ANKRD17: variants seen among roughly 807,000 people sequenced by gnomAD.
The protein encoded by ANKRD17 is ankyrin repeat domain-containing protein 17.
ANKRD17 carries 19 observed loss-of-function variants against 229.7 expected under a neutral mutation model. That is an observed-to-expected ratio of 0.08 (90% CI 0.06 to 0.12). The LOEUF is 0.12. Ranked by LOEUF, ANKRD17 falls within the 10% of genes least tolerant of loss-of-function variation. ANKRD17 has a pLI of 1.00. For missense variants in ANKRD17, 2,176 were observed against 3,176.8 expected, an observed-to-expected ratio of 0.68 and a Z score of 7.57; for synonymous variants, 1,112 against 1,146.1, an observed-to-expected ratio of 0.97 and a Z score of 0.60.
intron 1 of ANKRD17, among the ~76,000 whole-genome samples, chr4:73,190,738 C>T (rs1344547163): frequency 2.0e-5 from 3 of 151,726 alleles, no homozygotes; most frequent in African/African-American, 7.3e-5. Context: ...AGCCTTCCTA[C>T]ATACCAGCAA....
At chr4:73,228,363 T>C (rs1423433474) in intron 1 of ANKRD17, among the ~76,000 whole-genome samples, 2 of 152,192 alleles carry the variant, frequency 1.3e-5, no homozygotes, top group Non-Finnish European at 1.5e-5. Flanking sequence ...ATATGTCTAA[T>C]GTAGCACAAA....
At chr4:73,118,177 C>T (rs908115323) in intron 22 of ANKRD17, among the ~76,000 whole-genome samples, 5 of 151,978 alleles carry the variant, frequency 3.3e-5, no homozygotes, top group Admixed American at 2.0e-4. Flanking sequence ...TCACCACGCT[C>T]GGCTAATTTT....
At chr4:73,230,466 C>A (rs1742936451) in intron 1 of ANKRD17, among the ~76,000 whole-genome samples, 1 of 152,108 alleles carries the variant, frequency 6.6e-6, no homozygotes, top group Non-Finnish European at 1.5e-5. Flanking sequence ...AGGGTTTATA[C>A]TATATACACT....
At chr4:73,161,087 G>T in intron 3 of ANKRD17, 105 bp downstream of exon 3, 1 of 1,379,906 alleles carries the variant, frequency 7.2e-7, no homozygotes. Context: ...TAAGTGGTTA[G>T]CACAGTGCCA....
intron 1 of ANKRD17, 53 bp downstream of exon 1, chr4:73,258,223 C>T: frequency 6.2e-7 from 1 of 1,611,438 alleles, no homozygotes; most frequent in Non-Finnish European, 8.5e-7. Context: ...CACCTTCGGC[C>T]CCTATCCCTT....
chr4:73,085,218 T>C (rs1721995313), intron 30 of ANKRD17, 31 bp downstream of exon 30: 1 of 1,600,346 alleles, frequency 6.2e-7, no homozygotes, highest in East Asian at 2.2e-5. Flanking sequence ...CATATGCAGA[T>C]TCTTATGGAA....
intron 2 of ANKRD17, among the ~76,000 whole-genome samples, chr4:73,173,535 G>A (rs1354474154): frequency 7.2e-5 from 11 of 152,182 alleles, no homozygotes. Context: ...AAGAACCACT[G>A]CAGGAACATT....
intron 23 of ANKRD17, among the ~76,000 whole-genome samples, chr4:73,114,918 A>G (rs1038684773): frequency 6.6e-6 from 1 of 152,188 alleles, no homozygotes; most frequent in Non-Finnish European, 1.5e-5. Context: ...GTAAACTCCA[A>G]ATCAAAATGT....
chr4:73,154,848 C>T (rs1241345828), intron 5 of ANKRD17, among the ~76,000 whole-genome samples: 4 of 151,780 alleles, frequency 2.6e-5, no homozygotes, highest in African/African-American at 7.3e-5. Context: ...GAGACCATCC[C>T]GGCTAAAACG....
intron 16 of ANKRD17, among the ~76,000 whole-genome samples, chr4:73,133,765 G>C (rs942426204): frequency 1.3e-5 from 2 of 152,082 alleles, no homozygotes; most frequent in Non-Finnish European, 2.9e-5. Flanking sequence ...TGGCACACCT[G>C]TAATTCCAGC....
chr4:73,114,635 C>T (rs1016210292), intron 23 of ANKRD17, among the ~76,000 whole-genome samples: 6 of 151,978 alleles, frequency 3.9e-5, no homozygotes, highest in African/African-American at 1.5e-4. Flanking sequence ...TGCCACTGAA[C>T]CAGTCTTATT....
In ANKRD17 at chr4:73,074,918, T is replaced by A. The variant is rs112403152; in HGVS notation, c.*1313A>T. 7.2e-4 allele frequency: 110 copies of A among 152,612 alleles called. No homozygotes were observed. Among genetic ancestry groups the A allele is most frequent in the African/African-American group, 2.4e-3 (101 of 41,572 alleles). 9.5% of individuals were successfully genotyped at this position (152,612 alleles called of 1,614,324 possible). ...TATTGTTTCAAGTGGATGGAATATA[T>A]AAATCCCACTGAGTAGTTTAGTGTG... On this transcript the variant is annotated 3_prime_UTR_variant, in exon 34 of 34. Transcript: ENST00000358602.
intron 1 of ANKRD17, among the ~76,000 whole-genome samples, chr4:73,238,904 A>AT (rs936764307): frequency 1.3e-5 from 2 of 152,008 alleles, no homozygotes; most frequent in African/African-American, 2.4e-5. Context: ...CTTTACCTTG[A>AT]TTTTTTCAAC....
intron 14 of ANKRD17, among the ~76,000 whole-genome samples, chr4:73,141,221 G>T (rs1729563978): frequency 6.6e-6 from 1 of 152,148 alleles, no homozygotes; most frequent in African/African-American, 2.4e-5. Flanking sequence ...GAACACACAT[G>T]GTGTAACATA....
At chr4:73,202,318 TAAAAAAAAAAAAAAA>T (rs10533861) in intron 1 of ANKRD17, among the ~76,000 whole-genome samples, 3 of 21,902 alleles carry the variant, frequency 1.4e-4, no homozygotes, top group Admixed American at 1.7e-3. Flanking sequence ...GGAACAGGAT[TAAAAAAAAAAAAAAA>T]AAAAAAAAAA....
chr4:73,099,946 C>T (rs148960794), intron 25 of ANKRD17, among the ~76,000 whole-genome samples: 2 of 152,124 alleles, frequency 1.3e-5, no homozygotes, highest in African/African-American at 4.8e-5. Context: ...GGCCGCTCCC[C>T]CATACTTACT....
chr4:73,152,387 C>T (rs1731112480), intron 6 of ANKRD17, among the ~76,000 whole-genome samples: 1 of 152,046 alleles, frequency 6.6e-6, no homozygotes, highest in South Asian at 2.1e-4. Flanking sequence ...TCATTCTCCC[C>T]TCCCCAAAAT....
chr4:73,257,973 C>T lies in ANKRD17; in HGVS notation c.393+303G>A, dbSNP rs573352898. Among the ~76,000 whole-genome samples the T allele has an allele frequency of 1.1e-4, 17 of 149,870 alleles. No homozygotes were observed. The East Asian group carries it at 1.8e-3, about 16-fold the overall frequency. On this transcript the variant is annotated intron_variant, in intron 1 of 33. Coordinates refer to ENST00000358602, the MANE Select transcript of ANKRD17 (RefSeq NM_032217.5). ...CCCAGGCAGACCACCCCCCCACCCC[C>T]CGGCGTGCAAACAGGGAATCTAACC... is the stretch of plus-strand genomic sequence containing the variant.
At chr4:73,142,901 T>C in intron 11 of ANKRD17, 134 bp from the exon 12 acceptor site, 1 of 963,252 alleles carries the variant, frequency 1.0e-6, no homozygotes, top group Non-Finnish European at 1.5e-6. Context: ...GCTTTAATGA[T>C]TATAAACACA....
Sources: gnomAD v4.1 joint callset for allele counts (sites outside exome capture counted in the v4.1 genomes callset) on GRCh38, gnomAD v4.1.1 for gene constraint, MANE v1.5 for transcripts, NCBI Gene and HGNC (gene_info 2026-07-23, HGNC 2026-07-21) for gene names.